Variants in PXDNL observed in about 807,000 individuals in gnomAD.
PXDNL encodes probable oxidoreductase PXDNL.
PXDNL carries 145 observed loss-of-function variants against 150.8 expected under a neutral mutation model. The observed-to-expected ratio is 0.96, with a 90% CI of 0.84 to 1.10. The LOEUF (loss-of-function observed/expected upper bound fraction) is 1.10, where lower values mean the gene tolerates loss of function less well. Ranked by LOEUF, PXDNL falls within the 50% of genes least tolerant of loss-of-function variation. The pLI is 0.00. For missense variants in PXDNL, 2,087 were observed against 1,873.9 expected (o/e 1.11, Z -2.10); for synonymous variants, 757 against 725.7 (o/e 1.04, Z -0.69).
intron 4 of PXDNL, among the ~76,000 whole-genome samples, chr8:51,535,910 A>G (rs979146030): frequency 6.6e-6 from 1 of 152,158 alleles, no homozygotes; most frequent in Non-Finnish European, 1.5e-5. Flanking sequence ...CCCTCCCTGC[A>G]TTCGCTCTCT....
chr8:51,634,826 T>C (rs1210973909), intron 2 of PXDNL, among the ~76,000 whole-genome samples: 1 of 152,178 alleles, frequency 6.6e-6, no homozygotes, highest in Admixed American at 6.6e-5. Context: ...TACATTGACT[T>C]TGTACTGTGA....
At chr8:51,405,027 C>T (rs1016723095) in intron 17 of PXDNL, among the ~76,000 whole-genome samples, 17 of 152,186 alleles carry the variant, frequency 1.1e-4, no homozygotes, top group Non-Finnish European at 1.9e-4. Context: ...ACCCAGCGCA[C>T]CCTCCGCAGC....
At chr8:51,373,303 G>A (rs1807186562) in intron 18 of PXDNL, among the ~76,000 whole-genome samples, 1 of 152,176 alleles carries the variant, frequency 6.6e-6, no homozygotes, top group Non-Finnish European at 1.5e-5. Flanking sequence ...AATCAACCCT[G>A]CTGATGCCTT....
rs573093555 is a variant in PXDNL at position 51,495,004 on chromosome 8, T to C, written c.452+4695A>G. Among the ~76,000 whole-genome samples, 947 of 152,202 alleles carry C rather than the reference T, an allele frequency of 6.2e-3. 13 individuals are homozygous for C. Among genetic ancestry groups the C allele is most frequent in the African/African-American group, 0.022 (910 of 41,516 alleles). On this transcript the variant is annotated intron_variant, in intron 5 of 22. Transcript: ENST00000356297. Reference sequence around the variant, plus strand: ...TCTTTTCAGCACCACACCACACCTATTCCAAAATTGACCACATAGTTGGAA... The same window carrying C: ...TCTTTTCAGCACCACACCACACCTACTCCAAAATTGACCACATAGTTGGAA...
At chr8:51,611,084 T>A (rs1266517538) in intron 2 of PXDNL, among the ~76,000 whole-genome samples, 1 of 152,032 alleles carries the variant, frequency 6.6e-6, no homozygotes, top group Non-Finnish European at 1.5e-5. Context: ...TATTAGGGGG[T>A]CATCTTGGAA....
intron 2 of PXDNL, among the ~76,000 whole-genome samples, chr8:51,608,264 C>T (rs1813909597): frequency 6.8e-6 from 1 of 146,752 alleles, no homozygotes; most frequent in South Asian, 2.1e-4. Context: ...TGGCGGGTGC[C>T]TGTAATCCCA....
chr8:51,798,715 C>T (rs576821987), intron 1 of PXDNL, among the ~76,000 whole-genome samples: 4 of 152,134 alleles, frequency 2.6e-5, no homozygotes, highest in Admixed American at 6.5e-5. Flanking sequence ...GAAACAGGAA[C>T]CTTTTTACAC....
intron 19 of PXDNL, among the ~76,000 whole-genome samples, chr8:51,361,634 GAAT>G (rs1282559647): frequency 7.2e-5 from 11 of 152,140 alleles, no homozygotes; most frequent in Admixed American, 2.6e-4. Context: ...TGTTCCAAAT[GAAT>G]AATACCACAC....
intron 20 of PXDNL, among the ~76,000 whole-genome samples, chr8:51,341,095 C>T (rs1805972949): frequency 6.6e-6 from 1 of 152,222 alleles, no homozygotes; most frequent in South Asian, 2.1e-4. Context: ...GGCCATGCAT[C>T]AGGCATTCTG....
chr8:51,805,829 T>C (rs1223540686), intron 1 of PXDNL, among the ~76,000 whole-genome samples: 1 of 152,140 alleles, frequency 6.6e-6, no homozygotes, highest in Non-Finnish European at 1.5e-5. Flanking sequence ...TCTTAACCAG[T>C]AACTAAGGAA....
chr8:51,533,517 C>T (rs960397405), intron 4 of PXDNL, among the ~76,000 whole-genome samples: 2 of 132,870 alleles, frequency 1.5e-5, no homozygotes, highest in Admixed American at 1.4e-4. Flanking sequence ...CTCTCCCTCT[C>T]CCTCCACGGT....
intron 1 of PXDNL, among the ~76,000 whole-genome samples, chr8:51,733,549 T>A (rs942789522): frequency 4.5e-4 from 69 of 152,254 alleles, no homozygotes; most frequent in African/African-American, 1.5e-3. Context: ...AGCTGACGCC[T>A]GTAATCCCAG....
chr8:51,440,822 C>T (rs1809526910), intron 12 of PXDNL, among the ~76,000 whole-genome samples: 1 of 152,068 alleles, frequency 6.6e-6, no homozygotes, highest in African/African-American at 2.4e-5. Context: ...GCCTATGGCA[C>T]AGGGAGAAGA....
At chr8:51,764,508 T>C (rs1335214973) in intron 1 of PXDNL, among the ~76,000 whole-genome samples, 1 of 152,108 alleles carries the variant, frequency 6.6e-6, no homozygotes, top group East Asian at 1.9e-4. Flanking sequence ...GTTTTTACTT[T>C]CATTCATCTT....
chr8:51,416,904 C>T (rs1808814315), intron 14 of PXDNL, among the ~76,000 whole-genome samples: 1 of 152,104 alleles, frequency 6.6e-6, no homozygotes, highest in Non-Finnish European at 1.5e-5. Flanking sequence ...AAAGCTTTCT[C>T]GTTTTTATGT....
At chr8:51,393,786 T>C (rs960798238) in intron 17 of PXDNL, among the ~76,000 whole-genome samples, 2 of 151,532 alleles carry the variant, frequency 1.3e-5, no homozygotes, top group Non-Finnish European at 2.9e-5. Flanking sequence ...AGCGAAGGAG[T>C]GTGGGCAGCC....
At chr8:51,505,201 C>T (rs1013517072) in intron 4 of PXDNL, among the ~76,000 whole-genome samples, 1 of 152,066 alleles carries the variant, frequency 6.6e-6, no homozygotes, top group African/African-American at 2.4e-5. Context: ...ACAACCACCC[C>T]GAGGTATCAG....
intron 1 of PXDNL, among the ~76,000 whole-genome samples, chr8:51,678,686 G>A (rs1815679817): frequency 6.6e-6 from 1 of 150,640 alleles, no homozygotes; most frequent in Non-Finnish European, 1.5e-5. Flanking sequence ...ATGGACACAG[G>A]AAGGGGAACA....
intron 2 of PXDNL, among the ~76,000 whole-genome samples, chr8:51,652,849 T>C (rs2130799028): frequency 6.6e-6 from 1 of 152,352 alleles, no homozygotes; most frequent in South Asian, 2.1e-4. Context: ...ATATTATCCA[T>C]GGTTTCTGCC....
Sources: allele counts gnomAD v4.1 joint callset (sites outside exome capture counted in the v4.1 genomes callset), GRCh38; gene constraint gnomAD v4.1.1; transcripts MANE v1.5; gene names NCBI Gene and HGNC (gene_info 2026-07-23, HGNC 2026-07-21).